ARHGEF9: variants seen among roughly 807,000 people sequenced by gnomAD.
ARHGEF9 encodes the protein rho guanine nucleotide exchange factor 9.
Under a neutral mutation model 41.3 loss-of-function variants are expected in ARHGEF9, and 2 were observed. The ratio of observed to expected loss-of-function variants is 0.05; its 90% confidence interval spans 0.02 to 0.15. ARHGEF9 has a LOEUF of 0.15. Among genes scored for constraint, ARHGEF9 ranks in the 10% least tolerant of loss-of-function variants. The pLI, the probability that ARHGEF9 is intolerant of heterozygous loss-of-function variation, is 1.00. For synonymous variants in ARHGEF9, 160 were observed against 154.4 expected (o/e 1.04, Z -0.27); for missense variants, 225 against 424.7 (o/e 0.53, Z 4.13).
chrX:63,635,281 A>G lies in ARHGEF9; in HGVS notation c.*2747T>C. The G allele has an allele frequency of 3.9e-6, 2 of 513,108 alleles. No individual in the cohort carries two copies. The highest frequency in any genetic ancestry group is 7.1e-6 in the Non-Finnish European group (2 of 282,525). 42.3% of individuals were successfully genotyped at this position (513,108 alleles called of 1,213,427 possible). On this transcript the variant is annotated 3_prime_UTR_variant, in exon 10 of 10. Transcript: ENST00000671741. ...AGATCCATTAGAAATATACACATAG[A>G]GAGGGGGGGAAAAAGAGAGAATAAT...
At chrX:63,693,097 T>C (rs1230907770) in intron 4 of ARHGEF9, among the ~76,000 whole-genome samples, 16 of 111,741 alleles carry the variant, frequency 1.4e-4, no homozygotes, top group African/African-American at 4.9e-4. Flanking sequence ...GGTTGTTTAA[T>C]GGGTATAAAA....
At chrX:63,696,012 C>T (rs1338088925) in intron 4 of ARHGEF9, among the ~76,000 whole-genome samples, 1 of 111,501 alleles carries the variant, frequency 9.0e-6, no homozygotes, top group Non-Finnish European at 1.9e-5. Flanking sequence ...TGCACTTTGC[C>T]CTGTGTGCCT....
chrX:63,712,747 C>T (rs782099115), intron 2 of ARHGEF9, among the ~76,000 whole-genome samples: 1 of 111,428 alleles, frequency 9.0e-6, no homozygotes, highest in East Asian at 2.8e-4. Context: ...ACATAAAAAG[C>T]TAAAACTGTC....
chrX:63,781,399 C>T (rs2056378170), intron 1 of ARHGEF9, among the ~76,000 whole-genome samples: 1 of 111,121 alleles, frequency 9.0e-6, no homozygotes, highest in South Asian at 3.8e-4. Context: ...CACATAGAAC[C>T]AAGTCTCAAT....
chrX:63,704,850 C>T (rs1233404452), intron 3 of ARHGEF9, among the ~76,000 whole-genome samples: 1 of 111,872 alleles, frequency 8.9e-6, no homozygotes, highest in Admixed American at 9.4e-5. Context: ...ACTCTATCTG[C>T]CTCATGGCAG....
intron 2 of ARHGEF9, among the ~76,000 whole-genome samples, chrX:63,712,290 A>T (rs182367126): frequency 6.0e-4 from 67 of 112,278 alleles, no homozygotes; most frequent in Non-Finnish European, 1.0e-3. Context: ...CAAGAGAAAT[A>T]AAAACACATG....
chrX:63,730,643 A>G (rs1418763780), intron 1 of ARHGEF9, among the ~76,000 whole-genome samples: 1 of 111,871 alleles, frequency 8.9e-6, no homozygotes, highest in Non-Finnish European at 1.9e-5. Flanking sequence ...CTGGTCTGGG[A>G]ATCACATCTG....
At chrX:63,697,718 A>T (rs1317031831) in intron 3 of ARHGEF9, among the ~76,000 whole-genome samples, 1 of 111,888 alleles carries the variant, frequency 8.9e-6, no homozygotes, top group Non-Finnish European at 1.9e-5. Flanking sequence ...AAAAATTGGG[A>T]ACAGAGGCCA....
intron 1 of ARHGEF9, chrX:63,754,543 A>C: frequency 9.2e-7 from 1 of 1,090,212 alleles, no homozygotes; most frequent in Non-Finnish European, 1.2e-6. Context: ...GACTACAATC[A>C]CGGCAAAAAC....
rs781948053 is a variant in ARHGEF9 at position 63,637,999 on chromosome X, T to C, written c.*29A>G. 33 of 1,163,109 alleles carry C rather than the reference T, an allele frequency of 2.8e-5. No individual in the cohort carries two copies. The highest frequency in any genetic ancestry group is 3.8e-5 in the Non-Finnish European group (33 of 870,715). On this transcript the variant is annotated 3_prime_UTR_variant, in exon 10 of 10. Transcript: ENST00000671741. ...TATAAATATAATTTTATTTACTTTA[T>C]TTTAAAATTATCTGCCTCCCTGTAG...
chrX:63,660,592 A>T (rs1381516727), intron 7 of ARHGEF9, among the ~76,000 whole-genome samples: 1 of 112,224 alleles, frequency 8.9e-6, no homozygotes, highest in African/African-American at 3.2e-5. Flanking sequence ...AAAGCTACTA[A>T]ATGGCAGAGC....
chrX:63,650,465 A>T (rs1254782425), intron 8 of ARHGEF9, among the ~76,000 whole-genome samples: 1 of 111,376 alleles, frequency 9.0e-6, no homozygotes, highest in Non-Finnish European at 1.9e-5. Context: ...TTTCATAAAG[A>T]TAGAGAGTAG....
chrX:63,643,967 G>A lies in ARHGEF9; in HGVS notation c.1390+13C>T, dbSNP rs1556309537. 9 of 1,205,058 alleles carry A rather than the reference G, an allele frequency of 7.5e-6. No individual in the cohort carries two copies. Among genetic ancestry groups the A allele is most frequent in the Non-Finnish European group, 7.9e-6 (7 of 889,985 alleles). On this transcript the variant is annotated intron_variant, in intron 9 of 9. Coordinates refer to ENST00000671741, the MANE Select transcript of ARHGEF9 (RefSeq NM_001353921.2). ...CCATAGTCTTTCACAGAGACTGAGTGGGGCAGCTTTACCTTTTTGCTTAGG... is the reference window on the plus strand; with the variant it reads ...CCATAGTCTTTCACAGAGACTGAGTAGGGCAGCTTTACCTTTTTGCTTAGG...
chrX:63,706,360 C>G lies in ARHGEF9; in HGVS notation c.300G>C (p.Leu100=). The G allele has an allele frequency of 8.3e-7, 1 of 1,205,949 alleles. No homozygotes were observed. The highest frequency in any genetic ancestry group is 1.1e-6 in the Non-Finnish European group (1 of 892,732). The stretch of plus-strand genomic sequence containing the variant: ...GGTCCCGGTTCTGTAGTGGCCGCCC[C>G]AGACAGAGGCAGTCTGAATTGGGGT... ...HLDPNSDCLC[L]GRPLQNRDQM... is the part of the protein sequence containing the mutation. The change falls in exon 3 of 10, where the codon CTG becomes CTC. Residue 100 remains leucine (L), a synonymous_variant. Transcript: ENST00000671741.
Position 63,684,400 on chromosome X carries a change from AC to A in ARHGEF9, c.583-5829del, listed in dbSNP as rs781831111. 4.4e-4 allele frequency among the ~76,000 whole-genome samples: 49 copies of A among 111,256 alleles called. 1 individual carries two copies. The South Asian group carries it at 0.018, about 41-fold the overall frequency. On this transcript the variant is annotated intron_variant, in intron 4 of 9. Coordinates refer to ENST00000671741, the MANE Select transcript of ARHGEF9 (RefSeq NM_001353921.2). ...TTGACAAGGGTTTAGAGAAAAGGAGACCCTTGTACACTGTTAGTAGGAATAT... is the reference window on the plus strand; with the variant it reads ...TTGACAAGGGTTTAGAGAAAAGGAGACCTTGTACACTGTTAGTAGGAATAT...
At chrX:63,713,842 T>G (rs1319857114) in intron 2 of ARHGEF9, among the ~76,000 whole-genome samples, 1 of 110,396 alleles carries the variant, frequency 9.1e-6, no homozygotes, top group East Asian at 2.9e-4. Context: ...ACAAAGACAA[T>G]CAGCACGGTA....
At chrX:63,710,296 G>GAAAA (rs75149222) in intron 2 of ARHGEF9, among the ~76,000 whole-genome samples, 11 of 22,686 alleles carry the variant, frequency 4.8e-4, no homozygotes, top group African/African-American at 8.1e-4. Context: ...CCACATGGGA[G>GAAAA]AAAAAAAAAA....
intron 4 of ARHGEF9, among the ~76,000 whole-genome samples, chrX:63,690,135 T>A (rs1401357749): frequency 9.1e-6 from 1 of 109,934 alleles, no homozygotes; most frequent in Non-Finnish European, 1.9e-5. Context: ...TAGAAGGAAA[T>A]AAATAACAAA....
At chrX:63,755,477 T>G (rs2055900982) in intron 1 of ARHGEF9, 1 of 258,229 alleles carries the variant, frequency 3.9e-6, no homozygotes, top group African/African-American at 3.0e-5. Context: ...GGGGAGGAGA[T>G]CACGTGAAGA....
Sources: allele counts gnomAD v4.1 joint callset (sites outside exome capture counted in the v4.1 genomes callset), GRCh38; gene constraint gnomAD v4.1.1; transcripts MANE v1.5; gene names NCBI Gene and HGNC (gene_info 2026-07-23, HGNC 2026-07-21).